Variants in ABCA12 observed in about 807,000 individuals in gnomAD.
The protein encoded by ABCA12 is glucosylceramide transporter ABCA12.
Under a neutral mutation model 293.5 loss-of-function variants are expected in ABCA12, and 156 were observed. The observed-to-expected ratio is 0.53, with a 90% CI of 0.47 to 0.61. ABCA12 has a LOEUF of 0.61. Ranked by LOEUF, ABCA12 falls within the 20% of genes least tolerant of loss-of-function variation. The probability of loss-of-function intolerance (pLI) is 0.00; values close to 1 mark genes in which losing one functional copy is unlikely to be tolerated. For missense variants in ABCA12, 2,797 were observed against 3,090.2 expected (o/e 0.91, Z 2.25); for synonymous variants, 1,063 against 1,108.0 (o/e 0.96, Z 0.81).
chr2:215,053,519 C>T (rs1701359916), intron 4 of ABCA12, among the ~76,000 whole-genome samples: 1 of 152,056 alleles, frequency 6.6e-6, no homozygotes, highest in Non-Finnish European at 1.5e-5. Context: ...AACATTATAA[C>T]CTTATTTCTA....
chr2:215,003,319 G>T (rs1700182717), intron 20 of ABCA12, among the ~76,000 whole-genome samples: 1 of 152,168 alleles, frequency 6.6e-6, no homozygotes, highest in African/African-American at 2.4e-5. Context: ...CATAAGTTTA[G>T]ACAGCTTCCT....
At chr2:214,945,432 C>T (rs1454755322) in intron 48 of ABCA12, among the ~76,000 whole-genome samples, 1 of 152,162 alleles carries the variant, frequency 6.6e-6, no homozygotes, top group South Asian at 2.1e-4. Flanking sequence ...CATATATAAG[C>T]CACATCAACA....
intron 33 of ABCA12, among the ~76,000 whole-genome samples, chr2:214,976,843 T>C (rs1233009245): frequency 6.6e-6 from 1 of 152,154 alleles, no homozygotes; most frequent in Non-Finnish European, 1.5e-5. Context: ...GGCTAATAAT[T>C]TCAGCACTCC....
intron 1 of ABCA12, among the ~76,000 whole-genome samples, chr2:215,131,060 G>T (rs148136946): frequency 2.6e-5 from 4 of 151,768 alleles, no homozygotes; most frequent in African/African-American, 9.7e-5. Flanking sequence ...ATTGATTTGT[G>T]TATATTGAGC....
intron 39 of ABCA12, among the ~76,000 whole-genome samples, chr2:214,961,206 G>A (rs1027744441): frequency 1.3e-5 from 2 of 152,090 alleles, no homozygotes; most frequent in Admixed American, 6.6e-5. Flanking sequence ...TCCTTCCAGA[G>A]AGAGTGGAAA....
At chr2:215,100,011 T>G (rs1016586663) in intron 2 of ABCA12, among the ~76,000 whole-genome samples, 2 of 139,012 alleles carry the variant, frequency 1.4e-5, no homozygotes, top group African/African-American at 5.6e-5. Flanking sequence ...TCTCTCTCTC[T>G]CTCTCTTTTT....
intron 8 of ABCA12, 94 bp downstream of exon 8, chr2:215,036,859 C>T (rs759064419): frequency 2.8e-5 from 31 of 1,090,316 alleles, no homozygotes; most frequent in Non-Finnish European, 3.7e-5. Context: ...AGAATAATAT[C>T]ATCTCTACAT....
At chr2:215,045,105 A>G (rs1174183314) in intron 7 of ABCA12, among the ~76,000 whole-genome samples, 3 of 152,196 alleles carry the variant, frequency 2.0e-5, no homozygotes, top group Non-Finnish European at 2.9e-5. Context: ...CACATCTAGC[A>G]TGTAATAGGC....
chr2:215,038,627 G>C (rs971656177), intron 7 of ABCA12, among the ~76,000 whole-genome samples: 1 of 152,132 alleles, frequency 6.6e-6, no homozygotes, highest in Non-Finnish European at 1.5e-5. Flanking sequence ...TCAGGTGTTG[G>C]GTTACTTCCA....
rs528924234 is a variant in ABCA12, at chr2:215,039,380, G to A, written c.873-2315C>T. On this transcript the variant is annotated intron_variant, in intron 7 of 52. Coordinates refer to ENST00000272895, the MANE Select transcript of ABCA12 (RefSeq NM_173076.3). Reference sequence around the variant, plus strand: ...GAAAATTATGGCTTTTAGTGACACTGTCAGCTTTATCATAATAATAAACAG... The same window carrying A: ...GAAAATTATGGCTTTTAGTGACACTATCAGCTTTATCATAATAATAAACAG... Among the ~76,000 whole-genome samples, 10 of 152,236 alleles carry A rather than the reference G, an allele frequency of 6.6e-5. 1 individual carries two copies. In the South Asian group the frequency reaches 2.1e-3, roughly 32 times the overall value.
In ABCA12 at chr2:215,031,838, T is replaced by A; in HGVS notation, c.1044A>T (p.Pro348=). The A allele has an allele frequency of 6.2e-7, 1 of 1,614,012 alleles. No individual in the cohort carries two copies. Among genetic ancestry groups the A allele is most frequent in the Non-Finnish European group, 8.5e-7 (1 of 1,179,950 alleles). Residue 348 remains proline (P), a synonymous_variant, in exon 9 of 53, where the codon CCA becomes CCT. Transcript: ENST00000272895. ...AGACTTACTGTGCAGCCAGACTGCT[T>A]GGAGATAAGGTCTGTCCATCATCCT... The part of the protein sequence containing the change: ...WNEDDGQTLS[P]SSLAAQLLIL...
intron 7 of ABCA12, 119 bp from the exon 8 acceptor site, chr2:215,037,184 G>C: frequency 1.3e-6 from 1 of 773,904 alleles, no homozygotes; most frequent in Non-Finnish European, 2.2e-6. Context: ...TAAAAGACAA[G>C]ATGCTACTTT....
intron 22 of ABCA12, 146 bp downstream of exon 22, chr2:215,000,559 T>C (rs1228403785): frequency 2.4e-6 from 2 of 833,112 alleles, no homozygotes; most frequent in Non-Finnish European, 3.9e-6. Context: ...CTATGCCCTA[T>C]AGTGTGAACT....
Position 214,978,973 on chromosome 2 carries a change from A to T in ABCA12, c.4808T>A (p.Leu1603His). Residue 1603 changes from leucine (L) to histidine (H), a missense_variant, in exon 32 of 53, where the codon CTC becomes CAC. Leu to His is a moderately conservative substitution (Grantham distance 99). Transcript: ENST00000272895. Reference protein sequence around the residue: ...MAVTAMIQSHLPEAYLKEDIG... With the variant: ...MAVTAMIQSHHPEAYLKEDIG... ...ATCCTCCTTGAGGTAGGCTTCGGGG[A>T]GATGTGATTGGATCATTGCTGTCAC... is the stretch of plus-strand genomic sequence containing the variant. 6.2e-7 allele frequency: 1 copy of T among 1,614,074 alleles called. No individual in the cohort carries two copies. Among genetic ancestry groups the T allele is most frequent in the Non-Finnish European group, 8.5e-7 (1 of 1,179,984 alleles).
At chr2:215,077,766 C>T (rs997324536) in intron 2 of ABCA12, among the ~76,000 whole-genome samples, 3 of 152,174 alleles carry the variant, frequency 2.0e-5, no homozygotes, top group South Asian at 2.1e-4. Flanking sequence ...TAAAAGTCAA[C>T]TCACTGTTCG....
In ABCA12 at chr2:215,111,625, G is replaced by A. The variant is rs149115126; in HGVS notation, c.135C>T (p.Thr45=). The change falls in exon 2 of 53, where the codon ACC becomes ACT. Residue 45 remains threonine, a synonymous_variant. Transcript: ENST00000272895. Reference sequence around the variant, plus strand: ...TTGGTTTTGCAGTTGGAGGAAATTTGGTCCGAGTAATAGCCAAAATTATGA... The same window carrying A: ...TTGGTTTTGCAGTTGGAGGAAATTTAGTCCGAGTAATAGCCAAAATTATGA... ...IIFIILAITR[T]KFPPTAKPTC... 3 of 1,612,944 alleles carry A rather than the reference G, an allele frequency of 1.9e-6. No homozygotes were observed. Among genetic ancestry groups the A allele is most frequent in the African/African-American group, 2.7e-5 (2 of 74,888 alleles).
At chr2:215,134,932 G>C (rs1703178027) in intron 1 of ABCA12, among the ~76,000 whole-genome samples, 1 of 151,794 alleles carries the variant, frequency 6.6e-6, no homozygotes, top group African/African-American at 2.4e-5. Flanking sequence ...ATAAGCCACT[G>C]CACCTGGCCA....
At chr2:214,933,958 T>C (rs113811942) in intron 52 of ABCA12, 120 bp downstream of exon 52, 1 of 1,089,196 alleles carries the variant, frequency 9.2e-7, no homozygotes, top group Non-Finnish European at 1.3e-6. Context: ...GTTTTTCAGG[T>C]GCAAGACTAG....
At chr2:214,948,283 C>A (rs77010286) in intron 47 of ABCA12, among the ~76,000 whole-genome samples, 3,665 of 152,250 alleles carry the variant, frequency 0.024, 156 homozygotes, top group African/African-American at 0.082. Flanking sequence ...ATGTATAGGC[C>A]TCACCACCCA....
Sources: gnomAD v4.1 joint callset for allele counts (sites outside exome capture counted in the v4.1 genomes callset) on GRCh38, gnomAD v4.1.1 for gene constraint, MANE v1.5 for transcripts, NCBI Gene and HGNC (gene_info 2026-07-23, HGNC 2026-07-21) for gene names.